The following RASGRP1 variants were observed in gnomAD, a reference collection of about 807,000 sequenced individuals.
The protein encoded by RASGRP1 is RAS guanyl-releasing protein 1.
A neutral mutation model predicts 95.1 loss-of-function variants in RASGRP1; 37 were observed. That is an observed-to-expected ratio of 0.39 (90% confidence interval 0.30 to 0.51). The LOEUF (loss-of-function observed/expected upper bound fraction) is 0.51, where lower values mean the gene tolerates loss of function less well. RASGRP1 is among the 20% of genes least tolerant of loss of function. The pLI is 0.80. For synonymous variants in RASGRP1, 325 were observed against 353.4 expected, an observed-to-expected ratio of 0.92 and a Z score of 0.90; for missense variants, 711 against 965.4, an observed-to-expected ratio of 0.74 and a Z score of 3.49.
chr15:38,544,593 T>C (rs903727033), intron 2 of RASGRP1, among the ~76,000 whole-genome samples: 6 of 152,218 alleles, frequency 3.9e-5, no homozygotes, highest in Non-Finnish European at 7.3e-5. Context: ...TCTCTCTGTC[T>C]GTGTGATGCC....
At chr15:38,516,110 G>C (rs971391999) in intron 6 of RASGRP1, 87 bp downstream of exon 6, 1 of 1,454,988 alleles carries the variant, frequency 6.9e-7, no homozygotes, top group Admixed American at 1.9e-5. Context: ...GGCCTCTAAG[G>C]TTATGAAGCG....
At chr15:38,494,269 T>C in intron 16 of RASGRP1, 113 bp downstream of exon 16, 3 of 1,397,234 alleles carry the variant, frequency 2.1e-6, no homozygotes, top group Non-Finnish European at 3.0e-6. Context: ...CCTTTTTTGT[T>C]TTAGACTGCT....
chr15:38,515,910 A>AGAGTGTGTGT (rs779224083), intron 6 of RASGRP1, among the ~76,000 whole-genome samples: 1,571 of 143,476 alleles, frequency 0.011, 18 homozygotes, highest in African/African-American at 0.026. Context: ...AGAGAGAGAG[A>AGAGTGTGTGT]GTGTGTGTGT....
chr15:38,517,200 CATT>C (rs1342121616), intron 5 of RASGRP1, among the ~76,000 whole-genome samples: 2 of 152,116 alleles, frequency 1.3e-5, no homozygotes, highest in Non-Finnish European at 2.9e-5. Flanking sequence ...AAGTTTAACT[CATT>C]ATTCCTCAGT....
intron 3 of RASGRP1, among the ~76,000 whole-genome samples, chr15:38,523,232 A>G (rs1892067921): frequency 1.3e-5 from 2 of 152,202 alleles, no homozygotes; most frequent in Non-Finnish European, 2.9e-5. Context: ...GACGGACCAC[A>G]TATATGACAG....
In RASGRP1 at chr15:38,529,770, C is replaced by G. The variant is rs530638239; in HGVS notation, c.221-3366G>C. On this transcript the variant is annotated intron_variant, in intron 2 of 16. Coordinates refer to ENST00000310803, the MANE Select transcript of RASGRP1 (RefSeq NM_005739.4). ...TGAGTGAACTATATCGAATAGGAAA[C>G]ACGTTAACTTTTCACAGATATTTAG... 5.9e-5 allele frequency among the ~76,000 whole-genome samples: 9 copies of G among 152,254 alleles called. No individual in the cohort carries two copies. In the South Asian group the frequency reaches 1.7e-3, roughly 28 times the overall value.
At position 38,498,958 on chromosome 15, in the gene RASGRP1, A is replaced by C; in HGVS notation, c.1721-12T>G. Reference sequence around the variant, plus strand: ...GTTCATCCCGCAGTCTGTGGACAAGACATCCTGGGTCAAGAAGTCTTTCAC... The same window carrying C: ...GTTCATCCCGCAGTCTGTGGACAAGCCATCCTGGGTCAAGAAGTCTTTCAC... On this transcript the variant is annotated splice_polypyrimidine_tract_variant and intron_variant, in intron 14 of 16. Transcript: ENST00000310803. 6.2e-7 allele frequency: 1 copy of C among 1,613,976 alleles called. No individual in the cohort carries two copies. The highest frequency in any genetic ancestry group is 8.5e-7 in the Non-Finnish European group (1 of 1,179,862).
rs547423026 is a variant in RASGRP1 at position 38,500,272 on chromosome 15, G to A, written c.1684-133C>T. 111 of 831,796 alleles carry A rather than the reference G, an allele frequency of 1.3e-4. No individual in the cohort carries two copies. The East Asian group carries it at 2.5e-3, about 19-fold the overall frequency. 51.5% of individuals were successfully genotyped at this position (831,796 alleles called of 1,614,324 possible). A position where few individuals can be genotyped will look rare whatever the true frequency, so the allele number is the denominator to read the frequency against. On this transcript the variant is annotated intron_variant, in intron 13 of 16. Transcript: ENST00000310803. ...GAAGGAAACCTCATTTATCTCTCAT[G>A]TCTTGTCCCTTCTGACCTTAAATCC...
intron 6 of RASGRP1, among the ~76,000 whole-genome samples, chr15:38,513,648 G>T (rs1891636294): frequency 6.6e-6 from 1 of 152,214 alleles, no homozygotes; most frequent in Admixed American, 6.5e-5. Context: ...ATTGACTACA[G>T]TTGGCAATGA....
At chr15:38,538,994 C>T (rs1325003333) in intron 2 of RASGRP1, among the ~76,000 whole-genome samples, 1 of 152,180 alleles carries the variant, frequency 6.6e-6, no homozygotes, top group Non-Finnish European at 1.5e-5. Flanking sequence ...TGAATGACCA[C>T]TCTCCTCACA....
Position 38,559,962 on chromosome 15 carries a change from C to T in RASGRP1, c.79G>A (p.Glu27Lys), listed in dbSNP as rs772727617. 6.2e-7 allele frequency: 1 copy of T among 1,613,436 alleles called. No individual in the cohort carries two copies. The highest frequency in any genetic ancestry group is 8.5e-7 in the Non-Finnish European group (1 of 1,179,712). ...AAGGGGCTGTTGGCTGGCTTTGCCTCTAGTCTTGCTTTAGAGGCAGCTCTG... is the reference window on the plus strand; with the variant it reads ...AAGGGGCTGTTGGCTGGCTTTGCCTTTAGTCTTGCTTTAGAGGCAGCTCTG... ...GCRAASKARL[E>K]AKPANSPFPS... Residue 27 changes from glutamate (E) to lysine (K), a missense_variant, in exon 2 of 17, where the codon GAG (glutamate) becomes AAG (lysine). Around this residue, in one of 3 missense-constraint regions of RASGRP1, gnomAD observed 491 missense variants for 676.6 expected, o/e 0.73. Transcript: ENST00000310803.
At chr15:38,496,142 G>A (rs1002092093) in intron 15 of RASGRP1, among the ~76,000 whole-genome samples, 5 of 152,050 alleles carry the variant, frequency 3.3e-5, no homozygotes, top group Non-Finnish European at 7.4e-5. Context: ...AGAAATCACT[G>A]GAAATTTTGA....
At chr15:38,528,699 ACTT>A (rs1333625666) in intron 2 of RASGRP1, among the ~76,000 whole-genome samples, 1 of 152,122 alleles carries the variant, frequency 6.6e-6, no homozygotes, top group Non-Finnish European at 1.5e-5. Context: ...AAAATTTAAA[ACTT>A]CTTAAATTTT....
intron 9 of RASGRP1, among the ~76,000 whole-genome samples, chr15:38,506,635 CAAAAAAAAAA>C (rs370153317): frequency 9.8e-5 from 7 of 71,616 alleles, no homozygotes; most frequent in East Asian, 3.7e-4. Flanking sequence ...ACCTTGTCTC[CAAAAAAAAAA>C]AAAAAAAAAA....
At chr15:38,543,749 T>C (rs1434770525) in intron 2 of RASGRP1, among the ~76,000 whole-genome samples, 1 of 151,770 alleles carries the variant, frequency 6.6e-6, no homozygotes, top group African/African-American at 2.4e-5. Context: ...TTGGTTCCTT[T>C]AATTGTTGCA....
In RASGRP1 at chr15:38,564,780, G is replaced by A. The variant is rs892639066; in HGVS notation, c.-152C>T. The stretch of plus-strand genomic sequence containing the variant: ...GCCCTCGAGCCCGGCGAGCCCGACC[G>A]AGGTGCACCGCAGGCACAAACTTTG... On this transcript the variant is annotated 5_prime_UTR_variant, in exon 1 of 17. Coordinates refer to ENST00000310803, the MANE Select transcript of RASGRP1 (RefSeq NM_005739.4). 3 of 523,368 alleles carry A rather than the reference G, an allele frequency of 5.7e-6. No individual in the cohort carries two copies. Among genetic ancestry groups the A allele is most frequent in the African/African-American group, 2.1e-5 (1 of 48,666 alleles). The allele number at this position is 523,368 out of a possible 1,614,324, so 32.4% of individuals were successfully genotyped here.
chr15:38,546,463 C>T (rs1223830755), intron 2 of RASGRP1, among the ~76,000 whole-genome samples: 4 of 152,066 alleles, frequency 2.6e-5, no homozygotes, highest in African/African-American at 7.2e-5. Flanking sequence ...CTTGACCTCA[C>T]GATTCGCCTG....
At chr15:38,533,531 T>C (rs1310861351) in intron 2 of RASGRP1, among the ~76,000 whole-genome samples, 1 of 152,220 alleles carries the variant, frequency 6.6e-6, no homozygotes, top group Non-Finnish European at 1.5e-5. Flanking sequence ...GTTGTTTGTT[T>C]AGTTTTTTAG....
intron 2 of RASGRP1, among the ~76,000 whole-genome samples, chr15:38,558,729 A>G (rs898218896): frequency 5.9e-5 from 9 of 152,260 alleles, no homozygotes; most frequent in African/African-American, 2.2e-4. Context: ...CAACGTTGAA[A>G]TAGTTGAAAC....
Sources: allele counts gnomAD v4.1 joint callset (sites outside exome capture counted in the v4.1 genomes callset), GRCh38; gene constraint gnomAD v4.1.1; regional missense constraint gnomAD v4.1.1; transcripts MANE v1.5; gene names NCBI Gene and HGNC (gene_info 2026-07-23, HGNC 2026-07-21).